The following GABRG3 variants were observed in gnomAD, a reference collection of about 807,000 sequenced individuals.
GABRG3 encodes the protein gamma-aminobutyric acid type A receptor subunit gamma3.
A neutral mutation model predicts 48.8 loss-of-function variants in GABRG3; 25 were observed. The observed-to-expected ratio is 0.51, with a 90% CI of 0.37 to 0.72. GABRG3 has a LOEUF of 0.72. Among genes scored for constraint, GABRG3 ranks in the 30% least tolerant of loss-of-function variants. The pLI is 0.00. For synonymous variants in GABRG3, 227 were observed against 217.6 expected (o/e 1.04, Z -0.38); for missense variants, 394 against 577.9 (o/e 0.68, Z 3.26).
chr15:27,013,759 G>C (rs1895729542), intron 2 of GABRG3, among the ~76,000 whole-genome samples: 1 of 151,956 alleles, frequency 6.6e-6, no homozygotes. Context: ...CATGCTGTTT[G>C]ATTTTGTAGT....
At chr15:27,440,141 C>G (rs189569920) in intron 5 of GABRG3, among the ~76,000 whole-genome samples, 1 of 152,278 alleles carries the variant, frequency 6.6e-6, no homozygotes, top group African/African-American at 2.4e-5. Context: ...CACCCTTTCC[C>G]CCATCCCCAA....
chr15:27,302,766 T>G (rs2140494170), intron 3 of GABRG3, among the ~76,000 whole-genome samples: 1 of 152,120 alleles, frequency 6.6e-6, no homozygotes, highest in East Asian at 1.9e-4. Flanking sequence ...TTTGGAATTA[T>G]TCAGAGTATC....
intron 5 of GABRG3, among the ~76,000 whole-genome samples, chr15:27,395,487 T>G (rs996478342): frequency 3.3e-5 from 5 of 152,228 alleles, no homozygotes; most frequent in African/African-American, 1.2e-4. Context: ...TAATTTTACC[T>G]ATTACTATAA....
chr15:27,351,844 TTGTA>T (rs1055996030), intron 5 of GABRG3, among the ~76,000 whole-genome samples: 11 of 144,794 alleles, frequency 7.6e-5, no homozygotes, highest in East Asian at 4.2e-4. Context: ...GTGTGTGTGT[TTGTA>T]TGGTGTGTTT....
At chr15:27,067,081 A>G (rs1286895089) in intron 3 of GABRG3, among the ~76,000 whole-genome samples, 5 of 152,204 alleles carry the variant, frequency 3.3e-5, no homozygotes, top group African/African-American at 1.2e-4. Flanking sequence ...ACATGAAAAC[A>G]TAGCACAGCC....
chr15:27,143,990 C>A (rs1898152452), intron 3 of GABRG3, among the ~76,000 whole-genome samples: 1 of 152,114 alleles, frequency 6.6e-6, no homozygotes, highest in Non-Finnish European at 1.5e-5. Flanking sequence ...CATTTTAACA[C>A]AACCCAGATT....
chr15:27,209,804 A>G (rs1287119543), intron 3 of GABRG3, among the ~76,000 whole-genome samples: 1 of 152,212 alleles, frequency 6.6e-6, no homozygotes, highest in Non-Finnish European at 1.5e-5. Context: ...TGGAGGCAGG[A>G]AGTCCAAGAT....
At chr15:27,038,429 T>C (rs1896216260) in intron 3 of GABRG3, among the ~76,000 whole-genome samples, 1 of 152,192 alleles carries the variant, frequency 6.6e-6, no homozygotes, top group South Asian at 2.1e-4. Context: ...GGCATCAAAT[T>C]CTGAGGCTGG....
At chr15:27,192,344 T>C (rs373098156) in intron 3 of GABRG3, among the ~76,000 whole-genome samples, 35 of 152,338 alleles carry the variant, frequency 2.3e-4, no homozygotes, top group African/African-American at 5.3e-4. Flanking sequence ...CCATTCTCCC[T>C]GTCACTTTCA....
intron 5 of GABRG3, among the ~76,000 whole-genome samples, chr15:27,424,784 C>A (rs1034918917): frequency 6.6e-6 from 1 of 152,128 alleles, no homozygotes; most frequent in Non-Finnish European, 1.5e-5. Context: ...GAACTCCTGA[C>A]TTCAGGTAGT....
chr15:27,304,287 A>G (rs1246300427), intron 3 of GABRG3, among the ~76,000 whole-genome samples: 2 of 152,030 alleles, frequency 1.3e-5, no homozygotes, highest in Non-Finnish European at 2.9e-5. Flanking sequence ...TGTGGAAGAT[A>G]TGACACTTTA....
intron 3 of GABRG3, among the ~76,000 whole-genome samples, chr15:27,072,975 A>G (rs1473001272): frequency 6.6e-6 from 1 of 152,230 alleles, no homozygotes; most frequent in Non-Finnish European, 1.5e-5. Context: ...TAGGCCAAAT[A>G]CATTTACTAC....
chr15:27,273,364 G>T (rs561338511), intron 3 of GABRG3, among the ~76,000 whole-genome samples: 57 of 152,230 alleles, frequency 3.7e-4, no homozygotes, highest in Admixed American at 5.9e-4. Context: ...TCATGTAATG[G>T]CCCTGCTTTG....
At chr15:27,472,421 A>T (rs1442734935) in intron 5 of GABRG3, among the ~76,000 whole-genome samples, 1 of 152,100 alleles carries the variant, frequency 6.6e-6, no homozygotes, top group Non-Finnish European at 1.5e-5. Context: ...AACTACAGGC[A>T]CATACCACCA....
At chr15:27,366,620 C>T (rs552684573) in intron 5 of GABRG3, among the ~76,000 whole-genome samples, 14 of 152,114 alleles carry the variant, frequency 9.2e-5, no homozygotes, top group Non-Finnish European at 1.3e-4. Flanking sequence ...GGTTAAGGAA[C>T]GAACCCAAGC....
At chr15:27,427,745 T>C in intron 5 of GABRG3, among the ~76,000 whole-genome samples, 1 of 152,232 alleles carries the variant, frequency 6.6e-6, no homozygotes, top group East Asian at 1.9e-4. Flanking sequence ...GATTAAGTAG[T>C]TCATTTTTTT....
chr15:27,434,019 A>G (rs1250431237), intron 5 of GABRG3, among the ~76,000 whole-genome samples: 1 of 152,198 alleles, frequency 6.6e-6, no homozygotes, highest in African/African-American at 2.4e-5. Context: ...CATTTTCCTC[A>G]TTAGTTATCC....
chr15:27,306,801 AATATAAACATGTTTAT>A (rs1242753637), intron 3 of GABRG3, among the ~76,000 whole-genome samples: 93 of 99,338 alleles, frequency 9.4e-4, no homozygotes, highest in South Asian at 2.0e-3. Flanking sequence ...ATAAACATAC[AATATAAACATGTTTAT>A]ATATAAACAT....
At chr15:27,067,143 G>A (rs12595253) in intron 3 of GABRG3, among the ~76,000 whole-genome samples, 11,922 of 152,218 alleles carry the variant, frequency 0.078, 644 homozygotes, top group East Asian at 0.24. Flanking sequence ...GCATTTTGTC[G>A]TGTAATGTTC....
Sources: gnomAD v4.1 joint callset for allele counts (sites outside exome capture counted in the v4.1 genomes callset) on GRCh38, gnomAD v4.1.1 for gene constraint, MANE v1.5 for transcripts, NCBI Gene and HGNC (gene_info 2026-07-23, HGNC 2026-07-21) for gene names.